Variants in DECR1 observed in about 807,000 individuals in gnomAD.
DECR1 encodes 2,4-dienoyl-CoA reductase [(3E)-enoyl-CoA-producing], mitochondrial.
In DECR1, 44 loss-of-function variants were observed where a neutral mutation model predicts 38.8. That is an observed-to-expected ratio of 1.13 (90% CI 0.89 to 1.46). The LOEUF is 1.46. DECR1 is among the 40% of genes most tolerant of loss of function. The pLI, the probability that DECR1 is intolerant of heterozygous loss-of-function variation, is 0.00. For missense variants in DECR1, 428 were observed against 405.5 expected (o/e 1.06, Z -0.48); for synonymous variants, 148 against 135.2 (o/e 1.09, Z -0.66).
chr8:90,011,597 TG>T, intron 1 of DECR1, among the ~76,000 whole-genome samples: 1 of 152,334 alleles, frequency 6.6e-6, no homozygotes, highest in East Asian at 1.9e-4. Flanking sequence ...AATGTCTTTT[TG>T]TTTACTTAGG....
intron 5 of DECR1, among the ~76,000 whole-genome samples, chr8:90,023,262 A>G (rs930162131): frequency 2.6e-5 from 4 of 152,198 alleles, no homozygotes; most frequent in African/African-American, 9.7e-5. Context: ...GCTATTGCAA[A>G]TGGCACTGTT....
chr8:90,039,586 T>C (rs1043337617), intron 6 of DECR1, among the ~76,000 whole-genome samples: 10 of 152,202 alleles, frequency 6.6e-5, no homozygotes, highest in African/African-American at 2.4e-4. Flanking sequence ...CCAAACCATG[T>C]CACCATCCTA....
intron 5 of DECR1, among the ~76,000 whole-genome samples, chr8:90,022,598 T>G (rs1367025918): frequency 6.6e-6 from 1 of 152,126 alleles, no homozygotes; most frequent in Non-Finnish European, 1.5e-5. Context: ...CCGAGGAACC[T>G]TGATCTCTGT....
chr8:90,025,683 T>G (rs1309025486), intron 5 of DECR1, among the ~76,000 whole-genome samples: 1 of 152,186 alleles, frequency 6.6e-6, no homozygotes, highest in Non-Finnish European at 1.5e-5. Flanking sequence ...ACAATTTGAC[T>G]TCTTCTTTTC....
chr8:90,031,158 G>A (rs1813483959), intron 5 of DECR1, among the ~76,000 whole-genome samples: 2 of 152,126 alleles, frequency 1.3e-5, no homozygotes. Flanking sequence ...AACTTGGACA[G>A]ATTAGCTTGC....
chr8:90,005,583 T>C, intron 1 of DECR1: 1 of 376,796 alleles, frequency 2.7e-6, no homozygotes, highest in Non-Finnish European at 5.2e-6. Flanking sequence ...CATTGTCCTC[T>C]GAAGGCAGCT....
intron 5 of DECR1, among the ~76,000 whole-genome samples, chr8:90,030,861 A>G (rs1271146204): frequency 6.6e-6 from 1 of 152,184 alleles, no homozygotes; most frequent in Non-Finnish European, 1.5e-5. Context: ...AGGTGGTATT[A>G]GTATCCTTTT....
At position 90,052,283 on chromosome 8, in the gene DECR1, A is replaced by G. The variant is rs568025423; in HGVS notation, c.*386A>G. Among the ~76,000 whole-genome samples, 31 of 152,238 alleles carry G rather than the reference A, an allele frequency of 2.0e-4. No homozygotes were observed. The highest frequency in any genetic ancestry group is 3.4e-3 in the Middle Eastern group (1 of 294). Reference sequence around the variant, plus strand: ...CCTATATTAATAGGGCCTAAAAGAAAGAAATTAGAGGATACACACTAAATA... The same window carrying G: ...CCTATATTAATAGGGCCTAAAAGAAGGAAATTAGAGGATACACACTAAATA... On this transcript the variant is annotated 3_prime_UTR_variant, in exon 10 of 10. Coordinates refer to ENST00000220764, the MANE Select transcript of DECR1 (RefSeq NM_001359.2).
At chr8:90,017,060 T>C (rs1449642468) in intron 1 of DECR1, 64 bp from the exon 2 acceptor site, 2 of 1,180,892 alleles carry the variant, frequency 1.7e-6, no homozygotes, top group Non-Finnish European at 2.4e-6. Context: ...GAGCATGTTT[T>C]AAAAAATTCA....
At chr8:90,039,799 C>T (rs1299793518) in intron 6 of DECR1, among the ~76,000 whole-genome samples, 1 of 152,214 alleles carries the variant, frequency 6.6e-6, no homozygotes, top group Non-Finnish European at 1.5e-5. Context: ...CCAGGCTCAC[C>T]TCTCTTGAGA....
At chr8:90,015,909 C>A (rs757589160) in intron 1 of DECR1, among the ~76,000 whole-genome samples, 2 of 152,142 alleles carry the variant, frequency 1.3e-5, no homozygotes, top group Admixed American at 6.5e-5. Context: ...TAGGATAAAA[C>A]TAATACCTAT....
chr8:90,001,712 G>T, intron 1 of DECR1, 151 bp downstream of exon 1: 1 of 697,738 alleles, frequency 1.4e-6, no homozygotes, highest in Non-Finnish European at 2.3e-6. Flanking sequence ...CGGGGAGCGA[G>T]GACAGGGCAT....
intron 9 of DECR1, 29 bp downstream of exon 9, chr8:90,051,768 T>C (rs745887799): frequency 2.5e-6 from 4 of 1,612,780 alleles, no homozygotes; most frequent in Non-Finnish European, 3.4e-6. Flanking sequence ...TAATGTAATA[T>C]CAGCAGCTAG....
In DECR1 at chr8:90,019,131, A is replaced by G; in HGVS notation, c.376A>G (p.Asn126Asp). Residue 126 changes from asparagine (N) to aspartate (D), a missense_variant, in exon 4 of 10, where the codon AAC becomes GAC. Transcript: ENST00000220764. ...CDVRDPDMVQ[N>D]TVSELIKVAG... ...TGTGAGGGATCCTGATATGGTTCAA[A>G]ACACTGTGTCAGAACTGATCAAAGT... The G allele has an allele frequency of 6.2e-7, 1 of 1,614,212 alleles. No individual in the cohort carries two copies. The highest frequency in any genetic ancestry group is 8.5e-7 in the Non-Finnish European group (1 of 1,180,040).
chr8:90,014,399 TTA>T (rs1490327952), intron 1 of DECR1, among the ~76,000 whole-genome samples: 1 of 152,174 alleles, frequency 6.6e-6, no homozygotes, highest in Non-Finnish European at 1.5e-5. Context: ...TGGCTTGAAT[TTA>T]TATTAACACA....
intron 1 of DECR1, among the ~76,000 whole-genome samples, chr8:90,011,850 T>A (rs183478066): frequency 6.2e-4 from 95 of 152,314 alleles, no homozygotes; most frequent in African/African-American, 1.8e-3. Flanking sequence ...AGTATTTGTA[T>A]CTAACATTTA....
intron 5 of DECR1, among the ~76,000 whole-genome samples, 198 bp downstream of exon 5, chr8:90,021,254 C>T (rs545659240): frequency 1.3e-5 from 2 of 152,272 alleles, no homozygotes; most frequent in African/African-American, 2.4e-5. Context: ...AGTGCATTGG[C>T]AATCCAGAGA....
chr8:90,042,091 A>G (rs1463403871), intron 6 of DECR1, among the ~76,000 whole-genome samples: 1 of 152,168 alleles, frequency 6.6e-6, no homozygotes, highest in African/African-American at 2.4e-5. Flanking sequence ...ATTTTTCTTC[A>G]GGACATTAAG....
rs1263797060 is a variant in DECR1, at chr8:90,051,863, TAGA to T, written c.979_981del (p.Glu327del). 1 of 1,613,884 alleles carries T rather than the reference TAGA, an allele frequency of 6.2e-7. No individual in the cohort carries two copies. The highest frequency in any genetic ancestry group is 8.5e-7 in the Non-Finnish European group (1 of 1,179,894). Reference sequence around the variant, plus strand: ...GTCACCAAGGAGCAGTGGGACACCATAGAAGAACTCATCAGGAAGACAAAAGGT... The same window carrying T: ...GTCACCAAGGAGCAGTGGGACACCATAGAACTCATCAGGAAGACAAAAGGT... On this transcript the variant is annotated inframe_deletion, in exon 10 of 10. Transcript: ENST00000220764.
Sources: allele counts gnomAD v4.1 joint callset (sites outside exome capture counted in the v4.1 genomes callset), GRCh38; gene constraint gnomAD v4.1.1; transcripts MANE v1.5; gene names NCBI Gene and HGNC (gene_info 2026-07-23, HGNC 2026-07-21).